ANO4: variants seen among roughly 807,000 people sequenced by gnomAD.
The protein encoded by ANO4 is anoctamin-4.
ANO4 carries 69 observed loss-of-function variants against 141.9 expected under a neutral mutation model. The ratio of observed to expected loss-of-function variants is 0.49; its 90% CI spans 0.40 to 0.59. The LOEUF (loss-of-function observed/expected upper bound fraction) is 0.59. ANO4 is among the 20% of genes least tolerant of loss of function. The pLI, the probability that ANO4 is intolerant of heterozygous loss-of-function variation, is 0.00. For missense variants in ANO4, 894 were observed against 1,162.2 expected, an observed-to-expected ratio of 0.77 and a Z score of 3.36; for synonymous variants, 350 against 394.3, an observed-to-expected ratio of 0.89 and a Z score of 1.33.
chr12:100,883,795 T>C (rs951738731), intron 1 of ANO4, among the ~76,000 whole-genome samples: 1 of 152,220 alleles, frequency 6.6e-6, no homozygotes, highest in Non-Finnish European at 1.5e-5. Context: ...AAAAAGATCA[T>C]ATAGAATGAA....
At chr12:100,816,089 G>A (rs1192057227) in intron 1 of ANO4, among the ~76,000 whole-genome samples, 1 of 151,918 alleles carries the variant, frequency 6.6e-6, no homozygotes, top group Admixed American at 6.6e-5. Context: ...TGTTCCCAAA[G>A]CATTTAAAAT....
chr12:100,938,954 G>T (rs989853633), intron 3 of ANO4, among the ~76,000 whole-genome samples: 2 of 152,132 alleles, frequency 1.3e-5, no homozygotes, highest in African/African-American at 4.8e-5. Context: ...AAAAGTATAG[G>T]TCATCTCCAA....
intron 1 of ANO4, among the ~76,000 whole-genome samples, chr12:100,811,703 A>C (rs79656939): frequency 0.013 from 2,029 of 152,230 alleles, 54 homozygotes; most frequent in African/African-American, 0.047. Flanking sequence ...GCAGATTATT[A>C]TTCTTTAGTT....
chr12:100,892,960 G>A (rs1716684437), intron 1 of ANO4, among the ~76,000 whole-genome samples: 1 of 152,016 alleles, frequency 6.6e-6, no homozygotes, highest in Admixed American at 6.6e-5. Flanking sequence ...TGTGAGCTAG[G>A]CATTGTGATA....
chr12:100,754,400 C>T (rs934726141), intron 3 of ANO4, among the ~76,000 whole-genome samples: 6 of 152,138 alleles, frequency 3.9e-5, no homozygotes, highest in African/African-American at 1.2e-4. Flanking sequence ...CCTATCTTCA[C>T]TCTTTTCCCA....
chr12:100,908,806 C>A (rs11503435), intron 2 of ANO4, among the ~76,000 whole-genome samples: 46,355 of 152,008 alleles, frequency 0.3, 7,264 homozygotes, highest in East Asian at 0.51. Flanking sequence ...AAGGCCCACT[C>A]GGATTGGTTA....
intron 14 of ANO4, among the ~76,000 whole-genome samples, chr12:101,065,393 A>G (rs1434242646): frequency 1.3e-5 from 2 of 152,164 alleles, no homozygotes; most frequent in Non-Finnish European, 2.9e-5. Flanking sequence ...AAGAGAGAAG[A>G]CCCAAATAAA....
chr12:100,748,247 C>G lies in ANO4; in HGVS notation c.358+8142C>G, dbSNP rs768353441. Among the ~76,000 whole-genome samples the G allele has an allele frequency of 4.3e-4, 65 of 152,304 alleles. 1 individual carries two copies. In the Middle Eastern group the frequency reaches 0.017, roughly 40 times the overall value. On this transcript the variant is annotated intron_variant, in intron 3 of 29. Coordinates refer to the ANO4 transcript ENST00000644049. ...ATAACAAATTGTGACCAGATACTTT[C>G]AGAACGGATGCCAAAGGAAACAGGT... is the stretch of plus-strand genomic sequence containing the variant.
intron 2 of ANO4, among the ~76,000 whole-genome samples, chr12:100,917,726 T>C (rs2041411940): frequency 6.6e-6 from 1 of 152,214 alleles, no homozygotes; most frequent in African/African-American, 2.4e-5. Flanking sequence ...CATTACATTA[T>C]ACTCTATGAA....
chr12:100,821,045 C>T (rs6538973), intron 1 of ANO4, among the ~76,000 whole-genome samples: 109,950 of 151,992 alleles, frequency 0.72, 40,157 homozygotes, highest in South Asian at 0.8. Context: ...TGAATGAAAC[C>T]GCTGATGGTT....
intron 1 of ANO4, among the ~76,000 whole-genome samples, chr12:100,886,080 C>T (rs1267367564): frequency 2.0e-5 from 3 of 151,034 alleles, no homozygotes; most frequent in African/African-American, 7.3e-5. Context: ...AAAGACTCTA[C>T]TTTCAAACTA....
chr12:100,875,168 C>A (rs1446665688), intron 1 of ANO4, among the ~76,000 whole-genome samples: 3 of 152,142 alleles, frequency 2.0e-5, no homozygotes, highest in African/African-American at 7.2e-5. Flanking sequence ...CTGCCCACCT[C>A]ATGTCGAATT....
chr12:100,943,805 G>A (rs1592790799), intron 5 of ANO4, among the ~76,000 whole-genome samples: 1 of 152,110 alleles, frequency 6.6e-6, no homozygotes, highest in South Asian at 2.1e-4. Context: ...TACTCTTTAA[G>A]TTCTAAATTG....
chr12:100,722,393 A>G (rs754771608), intron 1 of ANO4, among the ~76,000 whole-genome samples: 5 of 152,056 alleles, frequency 3.3e-5, no homozygotes, highest in Non-Finnish European at 7.4e-5. Flanking sequence ...TGTAGGGCTA[A>G]AAATTGAACT....
intron 20 of ANO4, 47 bp from the exon 21 acceptor site, chr12:101,097,801 C>G (rs773278481): frequency 6.2e-7 from 1 of 1,607,076 alleles, no homozygotes; most frequent in Non-Finnish European, 8.5e-7. Flanking sequence ...GACACCCTTT[C>G]TTCCTCTCCA....
At position 100,971,322 on chromosome 12, in the gene ANO4, G is replaced by A; in HGVS notation, c.473G>A (p.Ser158Asn). Residue 158 changes from serine (S) to asparagine (N), a missense_variant, in exon 6 of 28, where the codon AGT (serine) becomes AAT (asparagine). By Grantham distance (46) the Ser-to-Asn change is conservative (BLOSUM62 1). Coordinates refer to ENST00000392977, the MANE Select transcript of ANO4 (RefSeq NM_001286615.2). ...QMEKESSLIN[S>N]DIIFVKLHAP... ...CTGTTTCAGTCCTCTCTAATAAATA[G>A]TGACATTATCTTTGTGAAGTTGCAT... 4 of 1,609,352 alleles carry A rather than the reference G, an allele frequency of 2.5e-6. No individual in the cohort carries two copies. Among genetic ancestry groups the A allele is most frequent in the Non-Finnish European group, 3.4e-6 (4 of 1,176,280 alleles).
intron 1 of ANO4, among the ~76,000 whole-genome samples, chr12:100,890,096 CTATT>C (rs146998964): frequency 0.056 from 8,527 of 152,002 alleles, 732 homozygotes; most frequent in African/African-American, 0.18. Context: ...ATACTAAGTA[CTATT>C]TATTGAGTAT....
chr12:101,075,729 T>TTATATA (rs5800454), intron 14 of ANO4, among the ~76,000 whole-genome samples: 36 of 144,432 alleles, frequency 2.5e-4, no homozygotes, highest in South Asian at 6.5e-4. Context: ...ATATATATCT[T>TTATATA]TATATATATA....
chr12:100,842,745 A>AG (rs1274470612), intron 1 of ANO4, among the ~76,000 whole-genome samples: 3 of 152,042 alleles, frequency 2.0e-5, no homozygotes, highest in Non-Finnish European at 2.9e-5. Flanking sequence ...ACATGGTAGA[A>AG]GGTGGAAGGG....
Sources: allele counts gnomAD v4.1 joint callset (sites outside exome capture counted in the v4.1 genomes callset), GRCh38; gene constraint gnomAD v4.1.1; transcripts MANE v1.5; gene names NCBI Gene and HGNC (gene_info 2026-07-23, HGNC 2026-07-21).